ALPK2: variants seen among roughly 807,000 people sequenced by gnomAD.
The protein encoded by ALPK2 is alpha kinase 2, also known as alpha-protein kinase 2.
ALPK2 carries 127 observed loss-of-function variants against 163.1 expected under a neutral mutation model. The observed-to-expected ratio is 0.78, with a 90% CI of 0.67 to 0.90. ALPK2 has a LOEUF of 0.90. Among genes scored for constraint, ALPK2 ranks in the 40% least tolerant of loss-of-function variants. The probability of loss-of-function intolerance (pLI) is 0.00; values close to 1 mark genes in which losing one functional copy is unlikely to be tolerated. For synonymous variants in ALPK2, 953 were observed against 959.1 expected, an observed-to-expected ratio of 0.99 and a Z score of 0.12; for missense variants, 2,360 against 2,589.6, an observed-to-expected ratio of 0.91 and a Z score of 1.92.
intron 4 of ALPK2, among the ~76,000 whole-genome samples, chr18:58,539,666 G>T (rs964762298): frequency 1.6e-4 from 24 of 152,194 alleles, no homozygotes; most frequent in Non-Finnish European, 5.9e-5. Flanking sequence ...TGGGGTTCAG[G>T]GGTGGGGATG....
chr18:58,586,626 A>G (rs111902782), intron 3 of ALPK2, among the ~76,000 whole-genome samples: 2,918 of 152,170 alleles, frequency 0.019, 83 homozygotes, highest in African/African-American at 0.064. Flanking sequence ...AAAGCCCCAT[A>G]CCCAGAGAGT....
intron 5 of ALPK2, among the ~76,000 whole-genome samples, chr18:58,533,108 C>T (rs993778563): frequency 6.6e-6 from 1 of 152,340 alleles, no homozygotes; most frequent in Admixed American, 6.5e-5. Flanking sequence ...TGGCTGCCCT[C>T]GCATCTACCT....
At chr18:58,597,010 C>G (rs892849067) in intron 3 of ALPK2, among the ~76,000 whole-genome samples, 1 of 152,058 alleles carries the variant, frequency 6.6e-6, no homozygotes, top group African/African-American at 2.4e-5. Flanking sequence ...AAAATTGGCC[C>G]GGTGCAGTGG....
chr18:58,588,958 G>A (rs1196965484), intron 3 of ALPK2, among the ~76,000 whole-genome samples: 6 of 152,130 alleles, frequency 3.9e-5, no homozygotes, highest in South Asian at 2.1e-4. Flanking sequence ...TCTGGTAATG[G>A]GATTGCTGGG....
At position 58,546,199 on chromosome 18, in the gene ALPK2, C is replaced by T. The variant is rs111452140; in HGVS notation, c.1963-7975G>A. ...CTCCAGTCCTGAAACAGATCCTAAACACCCCTATATCTGACCAGCTCTTCT... is the reference window on the plus strand; with the variant it reads ...CTCCAGTCCTGAAACAGATCCTAAATACCCCTATATCTGACCAGCTCTTCT... On this transcript the variant is annotated intron_variant, in intron 4 of 12. Coordinates refer to ENST00000361673, the MANE Select transcript of ALPK2 (RefSeq NM_052947.4). 1.6e-3 allele frequency among the ~76,000 whole-genome samples: 243 copies of T among 152,334 alleles called. 1 individual carries two copies. The highest frequency in any genetic ancestry group is 3.9e-3 in the Admixed American group (60 of 15,300).
intron 4 of ALPK2, among the ~76,000 whole-genome samples, chr18:58,573,600 C>T (rs1383816434): frequency 1.2e-5 from 1 of 80,442 alleles, no homozygotes; most frequent in African/African-American, 4.3e-5. Context: ...AGGCATGTTG[C>T]CATTTTTGTC....
chr18:58,498,436 C>G (rs8087603), intron 11 of ALPK2, among the ~76,000 whole-genome samples: 39,921 of 152,156 alleles, frequency 0.26, 5,928 homozygotes, highest in East Asian at 0.71. Flanking sequence ...CGTAAGCAAT[C>G]TCCCCAGAAA....
intron 4 of ALPK2, among the ~76,000 whole-genome samples, chr18:58,555,761 C>T (rs1272749020): frequency 6.6e-6 from 1 of 152,192 alleles, no homozygotes; most frequent in Non-Finnish European, 1.5e-5. Flanking sequence ...CTGTCTCATC[C>T]CCCTGCCCTG....
intron 8 of ALPK2, among the ~76,000 whole-genome samples, chr18:58,519,194 AAATT>A (rs1341632426): frequency 6.6e-6 from 1 of 152,218 alleles, no homozygotes; most frequent in Non-Finnish European, 1.5e-5. Flanking sequence ...ACCAGGAAAA[AAATT>A]AATTGATGGA....
intron 4 of ALPK2, chr18:58,578,525 G>A: frequency 4.0e-6 from 1 of 253,150 alleles, no homozygotes; most frequent in Non-Finnish European, 7.4e-6. Context: ...TCTTTTTCCA[G>A]CTGTCCAGAA....
chr18:58,596,083 A>G (rs2052039543), intron 3 of ALPK2, among the ~76,000 whole-genome samples: 1 of 152,214 alleles, frequency 6.6e-6, no homozygotes, highest in African/African-American at 2.4e-5. Flanking sequence ...CCCCGCATGC[A>G]CTGTGTGGCT....
In ALPK2 at chr18:58,535,818, G is replaced by A; in HGVS notation, c.4369C>T (p.Leu1457Phe). 6.2e-7 allele frequency: 1 copy of A among 1,614,228 alleles called. No homozygotes were observed. The highest frequency in any genetic ancestry group is 8.5e-7 in the Non-Finnish European group (1 of 1,180,020). The change falls in exon 5 of 13, where the codon CTC becomes TTC. Residue 1457 changes from leucine to phenylalanine, a missense_variant. Transcript: ENST00000361673. ...IQPAILQVPC[L>F]QGTILSENRI... ...TTTTCACTCAGAATGGTTCCCTGGA[G>A]ACATGGAACTTGCAAAATGGCCGGC...
intron 4 of ALPK2, among the ~76,000 whole-genome samples, chr18:58,574,213 G>T (rs1465640595): frequency 6.6e-6 from 1 of 151,862 alleles, no homozygotes; most frequent in Non-Finnish European, 1.5e-5. Context: ...GGAGGCTGAG[G>T]CGGGGCGGAT....
chr18:58,500,253 A>C (rs1052540752), intron 11 of ALPK2, among the ~76,000 whole-genome samples: 5 of 118,574 alleles, frequency 4.2e-5, no homozygotes, highest in African/African-American at 1.1e-4. Context: ...AAAAAAAAAA[A>C]ACCCACCAAA....
chr18:58,483,997 T>A (rs1328760086), intron 12 of ALPK2, among the ~76,000 whole-genome samples: 1 of 152,082 alleles, frequency 6.6e-6, no homozygotes, highest in African/African-American at 2.4e-5. Flanking sequence ...TGTGAGTGGA[T>A]GAGATGGTTA....
chr18:58,578,733 G>GACACACACACGCGCGCGCACACAC lies in ALPK2; in HGVS notation c.1962+80_1962+81insGTGTGTGCGCGCGCGTGTGTGTGT, dbSNP rs777103869. 7 of 533,296 alleles carry GACACACACACGCGCGCGCACACAC rather than the reference G, an allele frequency of 1.3e-5. No individual in the cohort carries two copies. In the African/African-American group the frequency reaches 1.3e-4, roughly 10 times the overall value. The allele number at this position is 533,296 out of a possible 1,614,324, so 33.0% of individuals were successfully genotyped here. The stretch of plus-strand genomic sequence containing the variant: ...ATTGTGAATGTGAAGTAAAGGAAGA[G>GACACACACACGCGCGCGCACACAC]ACACACACACACACACACACACACA... On this transcript the variant is annotated intron_variant, in intron 4 of 12. Coordinates refer to ENST00000361673, the MANE Select transcript of ALPK2 (RefSeq NM_052947.4).
Position 58,536,244 on chromosome 18 carries a change from T to G in ALPK2, c.3943A>C (p.Lys1315Gln). The G allele has an allele frequency of 6.2e-7, 1 of 1,614,202 alleles. No homozygotes were observed. The highest frequency in any genetic ancestry group is 1.1e-5 in the South Asian group (1 of 91,064). The change falls in exon 5 of 13, where the codon AAA (lysine) becomes CAA (glutamine). Residue 1315 changes from lysine to glutamine, a missense_variant. Lys to Gln is a moderately conservative substitution (Grantham distance 53, BLOSUM62 1). Transcript: ENST00000361673. ...SALADSRESH[K>Q]GEEPTISVHW... ...ACACTGATGGTGGGCTCTTCGCCTTTATGGCTTTCTCTGCTATCAGCAAGG... is the reference window on the plus strand; with the variant it reads ...ACACTGATGGTGGGCTCTTCGCCTTGATGGCTTTCTCTGCTATCAGCAAGG...
At chr18:58,526,934 C>T (rs2051587723) in intron 6 of ALPK2, among the ~76,000 whole-genome samples, 1 of 152,242 alleles carries the variant, frequency 6.6e-6, no homozygotes, top group Non-Finnish European at 1.5e-5. Context: ...CTTTAAGTTA[C>T]AGGTTAACTT....
In ALPK2 at chr18:58,580,503, G is replaced by A. The variant is rs749338615; in HGVS notation, c.273C>T (p.Asn91=). The A allele has an allele frequency of 3.1e-6, 5 of 1,613,924 alleles. No homozygotes were observed. Among genetic ancestry groups the A allele is most frequent in the Admixed American group, 1.7e-5 (1 of 59,992 alleles). ...DAAVYQISAK[N]SFGMICCSAS... is the part of the protein sequence containing the mutation. ...CAGAACAACAGATCATTCCAAAAGA[G>A]TTTTTAGCCGAGATTTGATAGACAG... The change falls in exon 4 of 13, where the codon AAC becomes AAT. Residue 91 remains asparagine, a synonymous_variant. Coordinates refer to ENST00000361673, the MANE Select transcript of ALPK2 (RefSeq NM_052947.4).
Sources: allele counts gnomAD v4.1 joint callset (sites outside exome capture counted in the v4.1 genomes callset), GRCh38; gene constraint gnomAD v4.1.1; transcripts MANE v1.5; gene names NCBI Gene and HGNC (gene_info 2026-07-23, HGNC 2026-07-21).